METTL16: variants seen among roughly 807,000 people sequenced by gnomAD.
METTL16 encodes methyltransferase 16, RNA N6-adenosine, also known as RNA N(6)-adenosine-methyltransferase METTL16.
A neutral mutation model predicts 57.9 loss-of-function variants in METTL16; 19 were observed. That is an observed-to-expected ratio of 0.33 (90% CI 0.23 to 0.48). The LOEUF (loss-of-function observed/expected upper bound fraction) is 0.48. Ranked by LOEUF, METTL16 falls within the 20% of genes least tolerant of loss-of-function variation. The pLI is 0.99. For synonymous variants in METTL16, 246 were observed against 255.6 expected, an observed-to-expected ratio of 0.96 and a Z score of 0.36; for missense variants, 434 against 691.5, an observed-to-expected ratio of 0.63 and a Z score of 4.18.
chr17:2,443,479 C>G (rs1014362751), intron 6 of METTL16, among the ~76,000 whole-genome samples: 1 of 147,234 alleles, frequency 6.8e-6, no homozygotes, highest in Non-Finnish European at 1.5e-5. Flanking sequence ...ATCAACAAAT[C>G]ATATCATTTC....
At chr17:2,505,168 A>C (rs2067520895) in intron 1 of METTL16, among the ~76,000 whole-genome samples, 1 of 151,958 alleles carries the variant, frequency 6.6e-6, no homozygotes, top group Non-Finnish European at 1.5e-5. Flanking sequence ...TTATATATAT[A>C]TATATCTCTC....
intron 6 of METTL16, among the ~76,000 whole-genome samples, chr17:2,456,737 G>A (rs950086959): frequency 4.6e-5 from 7 of 152,122 alleles, no homozygotes; most frequent in African/African-American, 1.7e-4. Context: ...GCAAAGTGCT[G>A]AGATTACAGG....
intron 5 of METTL16, among the ~76,000 whole-genome samples, chr17:2,465,863 T>G (rs2067190710): frequency 6.7e-6 from 1 of 148,458 alleles, no homozygotes; most frequent in Non-Finnish European, 1.5e-5. Context: ...AAGACTCCAT[T>G]CCCCACACCC....
At chr17:2,479,241 A>G (rs1597462873) in intron 2 of METTL16, among the ~76,000 whole-genome samples, 1 of 151,464 alleles carries the variant, frequency 6.6e-6, no homozygotes, top group South Asian at 2.1e-4. Context: ...ATCATGGCTC[A>G]CTGCAGCCTC....
chr17:2,430,528 G>A (rs1239246487), intron 8 of METTL16, among the ~76,000 whole-genome samples: 3 of 141,540 alleles, frequency 2.1e-5, no homozygotes, highest in Admixed American at 1.5e-4. Flanking sequence ...CCATTCTCCT[G>A]CCTCAGCCTC....
chr17:2,434,504 C>T (rs755672770), intron 8 of METTL16, among the ~76,000 whole-genome samples: 18 of 152,220 alleles, frequency 1.2e-4, no homozygotes, highest in Non-Finnish European at 2.1e-4. Flanking sequence ...TCAGCCACCA[C>T]GGCCAGCCCA....
chr17:2,421,032 A>C (rs2151682526), intron 8 of METTL16, 128 bp from the exon 9 acceptor site: 2 of 1,045,178 alleles, frequency 1.9e-6, no homozygotes, highest in Non-Finnish European at 2.8e-6. Context: ...GAAAACACAA[A>C]GGGTTTTGTG....
chr17:2,436,871 C>CTT (rs543406197), intron 8 of METTL16: 19,522 of 129,666 alleles, frequency 0.15, 5,418 homozygotes, highest in African/African-American at 0.56. Flanking sequence ...GTGAACAAAC[C>CTT]TTTTTTTTTT....
chr17:2,439,996 G>A (rs2066935580), intron 7 of METTL16, among the ~76,000 whole-genome samples: 1 of 152,100 alleles, frequency 6.6e-6, no homozygotes, highest in South Asian at 2.1e-4. Context: ...AGACCAGCCT[G>A]GGCAATACAG....
chr17:2,446,641 G>A (rs889137660), intron 6 of METTL16, among the ~76,000 whole-genome samples: 4 of 141,888 alleles, frequency 2.8e-5, no homozygotes, highest in Non-Finnish European at 5.9e-5. Context: ...CTCCTTCCAC[G>A]GTCTCCCTCT....
chr17:2,475,220 G>A (rs181602443), intron 3 of METTL16: 4 of 152,266 alleles, frequency 2.6e-5, no homozygotes, highest in East Asian at 1.9e-4. Flanking sequence ...CGACGGTCAC[G>A]GTGAACGCTG....
At chr17:2,436,671 C>A (rs918710590) in intron 8 of METTL16, 2 of 152,330 alleles carry the variant, frequency 1.3e-5, no homozygotes, top group Admixed American at 1.3e-4. Flanking sequence ...AAAGGAAGAG[C>A]ACCTGCTGGG....
intron 4 of METTL16, among the ~76,000 whole-genome samples, chr17:2,470,722 G>C (rs929680237): frequency 6.6e-6 from 1 of 152,154 alleles, no homozygotes; most frequent in Admixed American, 6.5e-5. Flanking sequence ...GAGGCTGGAT[G>C]ATTACCTGAA....
chr17:2,488,792 T>C (rs1481696143), intron 2 of METTL16, among the ~76,000 whole-genome samples: 1 of 152,158 alleles, frequency 6.6e-6, no homozygotes, highest in Non-Finnish European at 1.5e-5. Context: ...ACACTTAAAC[T>C]GGATTAAGAT....
rs1212237946 is a variant in METTL16 at position 2,428,596 on chromosome 17, TATA to T, written c.889-7695_889-7693del. 4.8e-4 allele frequency among the ~76,000 whole-genome samples: 19 copies of T among 39,816 alleles called. 1 individual carries two copies. Among genetic ancestry groups the T allele is most frequent in the East Asian group, 3.3e-3 (2 of 600 alleles). The allele number at this position is 39,816 out of a possible 152,430, so 26.1% of individuals were successfully genotyped here. On this transcript the variant is annotated intron_variant, in intron 8 of 9. Transcript: ENST00000263092. ...ATATATATATATATATATATATATA[TATA>T]TATAAATTGTAATACAGCGGGGCAC...
At chr17:2,430,949 T>G (rs1328586525) in intron 8 of METTL16, among the ~76,000 whole-genome samples, 1 of 151,740 alleles carries the variant, frequency 6.6e-6, no homozygotes, top group African/African-American at 2.4e-5. Context: ...ATAATAATAA[T>G]TATTATTATT....
chr17:2,501,490 A>G (rs2067486975), intron 2 of METTL16, among the ~76,000 whole-genome samples: 1 of 152,210 alleles, frequency 6.6e-6, no homozygotes, highest in African/African-American at 2.4e-5. Context: ...ATCTTAAATA[A>G]TAATATCTGT....
intron 5 of METTL16, among the ~76,000 whole-genome samples, chr17:2,465,900 TAAG>T (rs1210269248): frequency 2.0e-5 from 3 of 146,660 alleles, no homozygotes; most frequent in East Asian, 4.1e-4. Context: ...AAAGGACAAA[TAAG>T]AAGTGTTGAC....
chr17:2,495,905 T>C (rs2067441817), intron 2 of METTL16, among the ~76,000 whole-genome samples: 1 of 151,474 alleles, frequency 6.6e-6, no homozygotes, highest in South Asian at 2.1e-4. Context: ...GGTCAGCAGT[T>C]TGAGATCAGC....
Sources: gnomAD v4.1 joint callset for allele counts (sites outside exome capture counted in the v4.1 genomes callset) on GRCh38, gnomAD v4.1.1 for gene constraint, MANE v1.5 for transcripts, NCBI Gene and HGNC (gene_info 2026-07-23, HGNC 2026-07-21) for gene names.